The following ECT2L variants were observed in gnomAD, a reference collection of about 807,000 sequenced individuals.
The protein encoded by ECT2L is epithelial cell-transforming sequence 2 oncogene-like.
A neutral mutation model predicts 122.8 loss-of-function variants in ECT2L; 126 were observed. The observed-to-expected ratio is 1.03, with a 90% CI of 0.89 to 1.19. The LOEUF (loss-of-function observed/expected upper bound fraction) is 1.19. Ranked by LOEUF, ECT2L falls within the 50% of genes most tolerant of loss-of-function variation. The pLI is 0.00. For missense variants in ECT2L, 1,012 were observed against 1,064.1 expected (o/e 0.95, Z 0.68); for synonymous variants, 385 against 381.8 (o/e 1.01, Z -0.10).
chr6:138,881,190 T>A lies in ECT2L; in HGVS notation c.1880+19T>A. On this transcript the variant is annotated intron_variant, in intron 15 of 21. Coordinates refer to ENST00000541398, the MANE Select transcript of ECT2L (RefSeq NM_001077706.3). ...TCAACAGGTAAACCCTGAATATGTA[T>A]TTTTTTTAATATTCATTGTGCACTG... is the stretch of plus-strand genomic sequence containing the variant. 1.3e-6 allele frequency: 2 copies of A among 1,584,288 alleles called. No homozygotes were observed. The highest frequency in any genetic ancestry group is 1.7e-6 in the Non-Finnish European group (2 of 1,157,800).
rs188360688 is a variant in ECT2L, at chr6:138,816,118, T to A, written c.179+1515T>A. ...AGTCATTGGCTATGTTTCTTTTTAC[T>A]CCAACTTTGCAGCTTTCAAGATAAG... is the stretch of plus-strand genomic sequence containing the variant. On this transcript the variant is annotated intron_variant, in intron 4 of 21. Coordinates refer to ENST00000541398, the MANE Select transcript of ECT2L (RefSeq NM_001077706.3). Among the ~76,000 whole-genome samples, 5 of 152,336 alleles carry A rather than the reference T, an allele frequency of 3.3e-5. No homozygotes were observed. The East Asian group carries it at 9.6e-4, about 29-fold the overall frequency.
chr6:138,885,012 AAC>A (rs1157059905), intron 16 of ECT2L, among the ~76,000 whole-genome samples: 1 of 149,758 alleles, frequency 6.7e-6, no homozygotes, highest in East Asian at 1.9e-4. Context: ...ATGTATAATT[AAC>A]ACACATTCTT....
At chr6:138,868,438 G>A (rs954709461) in intron 13 of ECT2L, among the ~76,000 whole-genome samples, 2 of 151,136 alleles carry the variant, frequency 1.3e-5, no homozygotes, top group Admixed American at 6.6e-5. Flanking sequence ...TTATTACATT[G>A]TGCCCTGTTT....
intron 4 of ECT2L, among the ~76,000 whole-genome samples, chr6:138,820,738 A>G (rs1031833891): frequency 4.6e-5 from 7 of 152,216 alleles, no homozygotes; most frequent in African/African-American, 1.7e-4. Flanking sequence ...TAAGTATTTA[A>G]TTAATTTGGG....
intron 6 of ECT2L, 126 bp downstream of exon 6, chr6:138,843,357 TC>T (rs1187210765): frequency 3.1e-6 from 3 of 965,192 alleles, no homozygotes; most frequent in Middle Eastern, 3.5e-4. Flanking sequence ...TTAAGTATTT[TC>T]CAGATGAGCT....
intron 15 of ECT2L, among the ~76,000 whole-genome samples, chr6:138,881,603 T>C (rs1037656784): frequency 2.0e-5 from 3 of 151,660 alleles, no homozygotes; most frequent in Non-Finnish European, 4.4e-5. Flanking sequence ...TGTAAACCAG[T>C]GGGAGCCCTG....
chr6:138,870,604 A>ATGCAGT (rs111908630), intron 13 of ECT2L, among the ~76,000 whole-genome samples: 10 of 152,038 alleles, frequency 6.6e-5, no homozygotes, highest in African/African-American at 2.4e-4. Flanking sequence ...TTTGACATTT[A>ATGCAGT]TGAGCCCTGA....
chr6:138,884,187 G>C (rs1778733947), intron 16 of ECT2L, among the ~76,000 whole-genome samples: 1 of 151,794 alleles, frequency 6.6e-6, no homozygotes, highest in Non-Finnish European at 1.5e-5. Flanking sequence ...TAATATGATT[G>C]AAATCCATGA....
intron 10 of ECT2L, among the ~76,000 whole-genome samples, chr6:138,858,502 T>C (rs1777699048): frequency 6.6e-6 from 1 of 152,080 alleles, no homozygotes; most frequent in South Asian, 2.1e-4. Context: ...AAGTGTGCAA[T>C]TGACTAAATT....
At chr6:138,891,067 G>T (rs944753780) in intron 20 of ECT2L, among the ~76,000 whole-genome samples, 4 of 151,616 alleles carry the variant, frequency 2.6e-5, no homozygotes, top group Non-Finnish European at 5.9e-5. Flanking sequence ...TGATAGGAAG[G>T]GGGGATTGGA....
intron 11 of ECT2L, among the ~76,000 whole-genome samples, chr6:138,863,904 A>T (rs956418442): frequency 7.2e-6 from 1 of 138,122 alleles, no homozygotes; most frequent in Non-Finnish European, 1.5e-5. Flanking sequence ...GAGCCACCGC[A>T]TCTGGCCGGG....
chr6:138,827,522 A>G (rs547941128), intron 4 of ECT2L, among the ~76,000 whole-genome samples: 358 of 151,442 alleles, frequency 2.4e-3, no homozygotes, highest in Non-Finnish European at 1.5e-3. Context: ...CTATTTTCCC[A>G]AAGTTGTAAC....
At chr6:138,853,477 G>C (rs952313948) in intron 9 of ECT2L, among the ~76,000 whole-genome samples, 1 of 152,032 alleles carries the variant, frequency 6.6e-6, no homozygotes, top group African/African-American at 2.4e-5. Context: ...AGAATTCTTT[G>C]CCTGTTTTCA....
In ECT2L at chr6:138,818,893, T is replaced by G. The variant is rs116683338; in HGVS notation, c.179+4290T>G. Among the ~76,000 whole-genome samples the G allele has an allele frequency of 7.6e-3, 1,157 of 152,158 alleles. 14 individuals carry two copies. The highest frequency in any genetic ancestry group is 0.026 in the African/African-American group (1,082 of 41,502). On this transcript the variant is annotated intron_variant, in intron 4 of 21. Coordinates refer to ENST00000541398, the MANE Select transcript of ECT2L (RefSeq NM_001077706.3). The stretch of plus-strand genomic sequence containing the variant: ...CGGGGGTGGGGGGTTCTTCCTAAAC[T>G]GACTTAACAGGGCTCTTTACTAAAG...
At chr6:138,859,080 CTAA>C (rs1777727858) in intron 10 of ECT2L, among the ~76,000 whole-genome samples, 1 of 152,152 alleles carries the variant, frequency 6.6e-6, no homozygotes, top group South Asian at 2.1e-4. Flanking sequence ...AGAGGCCACA[CTAA>C]TCTTCTCTGT....
intron 4 of ECT2L, among the ~76,000 whole-genome samples, chr6:138,825,622 CAA>C (rs556543805): frequency 8.0e-4 from 122 of 152,088 alleles, no homozygotes; most frequent in African/African-American, 2.8e-3. Context: ...TACAGATAAG[CAA>C]AAAGAGGGAA....
chr6:138,827,013 C>A (rs145207528), intron 4 of ECT2L, among the ~76,000 whole-genome samples: 1 of 152,148 alleles, frequency 6.6e-6, no homozygotes, highest in East Asian at 1.9e-4. Flanking sequence ...TCCTATAAAG[C>A]CTGCAGAACC....
rs376983102 is a variant in ECT2L at position 138,815,575 on chromosome 6, A to G, written c.179+972A>G. 5.3e-5 allele frequency among the ~76,000 whole-genome samples: 8 copies of G among 152,302 alleles called. No homozygotes were observed. The East Asian group carries it at 7.7e-4, about 15-fold the overall frequency. On this transcript the variant is annotated intron_variant, in intron 4 of 21. Transcript: ENST00000541398. Reference sequence around the variant, plus strand: ...AATAATAGAATACTATTTCTGAAACATTGTCCTTTTGAATGAATCTTTTGC... The same window carrying G: ...AATAATAGAATACTATTTCTGAAACGTTGTCCTTTTGAATGAATCTTTTGC...
intron 1 of ECT2L, among the ~76,000 whole-genome samples, chr6:138,811,733 G>A (rs1225145340): frequency 6.6e-6 from 1 of 152,184 alleles, no homozygotes; most frequent in African/African-American, 2.4e-5. Context: ...GTGATGGAGT[G>A]CAGTGGCGCG....
Sources: gnomAD v4.1 joint callset for allele counts (sites outside exome capture counted in the v4.1 genomes callset) on GRCh38, gnomAD v4.1.1 for gene constraint, MANE v1.5 for transcripts, NCBI Gene and HGNC (gene_info 2026-07-23, HGNC 2026-07-21) for gene names.